The following CPA6 variants were observed in gnomAD, a reference collection of about 807,000 sequenced individuals.
The protein encoded by CPA6 is carboxypeptidase B.
CPA6 carries 58 observed loss-of-function variants against 63.3 expected under a neutral mutation model. The observed-to-expected ratio is 0.92, with a 90% CI of 0.74 to 1.14. CPA6 has a LOEUF of 1.14. Ranked by LOEUF, CPA6 falls within the 50% of genes most tolerant of loss-of-function variation. The probability of loss-of-function intolerance (pLI) is 0.00; values close to 1 mark genes in which losing one functional copy is unlikely to be tolerated. For missense variants in CPA6, 565 were observed against 526.6 expected, an observed-to-expected ratio of 1.07 and a Z score of -0.71; for synonymous variants, 185 against 179.0, an observed-to-expected ratio of 1.03 and a Z score of -0.27.
intron 1 of CPA6, among the ~76,000 whole-genome samples, chr8:67,695,836 G>C (rs1816902897): frequency 6.6e-6 from 1 of 152,164 alleles, no homozygotes; most frequent in African/African-American, 2.4e-5. Context: ...GAATCAAGGG[G>C]TACAGATGGG....
intron 1 of CPA6, among the ~76,000 whole-genome samples, chr8:67,699,050 A>G (rs1816966212): frequency 6.6e-6 from 1 of 152,204 alleles, no homozygotes; most frequent in Non-Finnish European, 1.5e-5. Flanking sequence ...CTAATGCCAC[A>G]TTGCTAGAAT....
intron 1 of CPA6, among the ~76,000 whole-genome samples, chr8:67,739,336 C>CT (rs1408788522): frequency 6.6e-6 from 1 of 152,204 alleles, no homozygotes; most frequent in Non-Finnish European, 1.5e-5. Context: ...CACTTAGGGG[C>CT]TGTACTTTGA....
At chr8:67,628,934 G>A (rs1815254731) in intron 1 of CPA6, among the ~76,000 whole-genome samples, 1 of 152,104 alleles carries the variant, frequency 6.6e-6, no homozygotes, top group South Asian at 2.1e-4. Context: ...GGCCAACATG[G>A]CAAAACCCCA....
chr8:67,681,229 G>T, intron 1 of CPA6, among the ~76,000 whole-genome samples: 1 of 51,698 alleles, frequency 1.9e-5, no homozygotes, highest in Non-Finnish European at 3.3e-5. Context: ...TTGAGACGGA[G>T]TCTCGCTCTG....
intron 2 of CPA6, among the ~76,000 whole-genome samples, chr8:67,549,530 C>T (rs1367482329): frequency 6.6e-6 from 1 of 152,138 alleles, no homozygotes; most frequent in Non-Finnish European, 1.5e-5. Context: ...ATTTTAAGTA[C>T]ACAACGCAGT....
At chr8:67,721,198 A>C (rs1019973412) in intron 1 of CPA6, among the ~76,000 whole-genome samples, 4 of 152,234 alleles carry the variant, frequency 2.6e-5, no homozygotes, top group African/African-American at 9.6e-5. Context: ...TACGCCCATT[A>C]GGTTACAAGG....
At chr8:67,549,013 A>T (rs189762086) in intron 2 of CPA6, among the ~76,000 whole-genome samples, 1 of 152,360 alleles carries the variant, frequency 6.6e-6, no homozygotes, top group African/African-American at 2.4e-5. Flanking sequence ...AATTTAATTT[A>T]AAAAATTGCA....
At chr8:67,485,106 G>A (rs1362445776) in intron 6 of CPA6, among the ~76,000 whole-genome samples, 1 of 152,128 alleles carries the variant, frequency 6.6e-6, no homozygotes, top group Non-Finnish European at 1.5e-5. Context: ...ATAACCACCT[G>A]TTTTTAGATT....
At chr8:67,598,149 TG>T (rs1814393934) in intron 2 of CPA6, among the ~76,000 whole-genome samples, 1 of 152,198 alleles carries the variant, frequency 6.6e-6, no homozygotes, top group African/African-American at 2.4e-5. Context: ...TGGCAATCCC[TG>T]TGAGGCTGAC....
At chr8:67,451,336 C>T (rs1587440535) in intron 8 of CPA6, among the ~76,000 whole-genome samples, 2 of 152,272 alleles carry the variant, frequency 1.3e-5, no homozygotes, top group South Asian at 4.1e-4. Flanking sequence ...CATAGGAGTG[C>T]GAACCTTATT....
chr8:67,554,773 G>C (rs1316854117), intron 2 of CPA6, among the ~76,000 whole-genome samples: 1 of 152,178 alleles, frequency 6.6e-6, no homozygotes, highest in Non-Finnish European at 1.5e-5. Context: ...AGGTAGAAGA[G>C]GGGTGACCTG....
At chr8:67,424,097 G>A (rs983598595) in intron 10 of CPA6, among the ~76,000 whole-genome samples, 10 of 152,164 alleles carry the variant, frequency 6.6e-5, no homozygotes, top group African/African-American at 2.2e-4. Flanking sequence ...TTCCTTCTAA[G>A]AATCTTATGC....
chr8:67,586,736 A>G (rs1186329215), intron 2 of CPA6, among the ~76,000 whole-genome samples: 1 of 152,218 alleles, frequency 6.6e-6, no homozygotes, highest in East Asian at 1.9e-4. Context: ...TGCTAGAATT[A>G]TAAGAGGTAG....
chr8:67,661,529 C>G (rs1246236138), intron 1 of CPA6, among the ~76,000 whole-genome samples: 1 of 152,168 alleles, frequency 6.6e-6, no homozygotes, highest in Non-Finnish European at 1.5e-5. Context: ...AGGGCTGGCC[C>G]CACAGCAGGT....
chr8:67,448,670 G>GA (rs1040785661), intron 8 of CPA6, among the ~76,000 whole-genome samples: 8 of 75,436 alleles, frequency 1.1e-4, no homozygotes, highest in South Asian at 8.2e-4. Flanking sequence ...GAACGAAAAA[G>GA]AAAAAAAAAG....
intron 1 of CPA6, among the ~76,000 whole-genome samples, chr8:67,689,505 TGTAA>T (rs1217944414): frequency 1.3e-5 from 2 of 152,202 alleles, no homozygotes; most frequent in Non-Finnish European, 2.9e-5. Context: ...AGCTCCCACT[TGTAA>T]GTGAGAATAT....
rs139016323 is a variant in CPA6 at position 67,649,026 on chromosome 8, A to G, written c.117-24775T>C. ...ATTGCAATATGTGAATGATCTTTAC[A>G]TCTTTGGAGGTGATTGTTTTTTACC... On this transcript the variant is annotated intron_variant, in intron 1 of 10. Coordinates refer to ENST00000297770, the MANE Select transcript of CPA6 (RefSeq NM_020361.5). Among the ~76,000 whole-genome samples the G allele has an allele frequency of 4.7e-3, 722 of 152,122 alleles. 2 individuals carry two copies. The highest frequency in any genetic ancestry group is 6.4e-3 in the Non-Finnish European group (435 of 67,996).
At chr8:67,506,930 G>A (rs749247887) in intron 5 of CPA6, 42 bp from the exon 6 acceptor site, 12 of 1,325,800 alleles carry the variant, frequency 9.1e-6, no homozygotes, top group Non-Finnish European at 1.3e-5. Context: ...CAGGCTTTTA[G>A]ATTCACTGAC....
intron 1 of CPA6, among the ~76,000 whole-genome samples, chr8:67,714,747 C>T (rs1383635219): frequency 6.6e-6 from 1 of 152,146 alleles, no homozygotes; most frequent in Non-Finnish European, 1.5e-5. Flanking sequence ...AAAGTGGCAG[C>T]TCACAGACTG....
Sources: gnomAD v4.1 joint callset for allele counts (sites outside exome capture counted in the v4.1 genomes callset) on GRCh38, gnomAD v4.1.1 for gene constraint, MANE v1.5 for transcripts, NCBI Gene and HGNC (gene_info 2026-07-23, HGNC 2026-07-21) for gene names.